Variants in STPG2 observed in about 807,000 individuals in gnomAD.
STPG2 encodes the protein sperm tail PG-rich repeat containing 2.
Under a neutral mutation model 54.2 loss-of-function variants are expected in STPG2, and 56 were observed. That is an observed-to-expected ratio of 1.03 (90% CI 0.83 to 1.29). STPG2 has a LOEUF of 1.29. Among genes scored for constraint, STPG2 ranks in the 50% most tolerant of loss-of-function variants. STPG2 has a pLI of 0.00. For synonymous variants in STPG2, 200 were observed against 181.8 expected, an observed-to-expected ratio of 1.10 and a Z score of -0.81; for missense variants, 596 against 544.9, an observed-to-expected ratio of 1.09 and a Z score of -0.93.
rs557288551 is a variant in STPG2 at position 97,728,959 on chromosome 4, AAGAG to A, written c.1205-16149_1205-16146del. Among the ~76,000 whole-genome samples, 680 of 151,884 alleles carry A rather than the reference AAGAG, an allele frequency of 4.5e-3. 4 individuals are homozygous for A. Among genetic ancestry groups the A allele is most frequent in the Non-Finnish European group, 7.1e-3 (484 of 67,846 alleles). ...AAAGAAAGATACAGAGAGACAAAGA[AAGAG>A]AGACAGAGAAAGAAGCAGAGTGGGA... On this transcript the variant is annotated intron_variant, in intron 9 of 10. Coordinates refer to ENST00000295268, the MANE Select transcript of STPG2 (RefSeq NM_174952.3).
At chr4:97,543,843 C>CT (rs1278198747) in intron 4 of STPG2, among the ~76,000 whole-genome samples, 8 of 152,150 alleles carry the variant, frequency 5.3e-5, no homozygotes, top group African/African-American at 1.9e-4. Context: ...ACCTGGGGAA[C>CT]TTATTAAACT....
At chr4:97,542,923 A>C (rs927423999) in intron 4 of STPG2, among the ~76,000 whole-genome samples, 2 of 152,088 alleles carry the variant, frequency 1.3e-5, no homozygotes, top group Non-Finnish European at 2.9e-5. Flanking sequence ...GAATTGAACA[A>C]TGAGAACACT....
chr4:98,081,452 A>G (rs1281757867), intron 5 of STPG2, among the ~76,000 whole-genome samples: 5 of 152,184 alleles, frequency 3.3e-5, no homozygotes, highest in Admixed American at 2.0e-4. Context: ...TGAAAAAATT[A>G]TCAATTTTTC....
chr4:97,757,953 A>G (rs535286924), intron 9 of STPG2, among the ~76,000 whole-genome samples: 3 of 152,338 alleles, frequency 2.0e-5, no homozygotes, highest in Admixed American at 6.5e-5. Flanking sequence ...AGTTGCTTGT[A>G]AATGTTGCTA....
chr4:97,506,812 T>TA (rs1410005610), intron 4 of STPG2, among the ~76,000 whole-genome samples: 3 of 150,102 alleles, frequency 2.0e-5, no homozygotes, highest in Admixed American at 1.3e-4. Flanking sequence ...GAGAATGAAT[T>TA]AAAAAAAACT....
intron 5 of STPG2, among the ~76,000 whole-genome samples, chr4:98,040,454 C>T (rs1736914656): frequency 6.6e-6 from 1 of 151,818 alleles, no homozygotes; most frequent in South Asian, 2.1e-4. Context: ...AGCTTCAGGT[C>T]TTACATTTAA....
chr4:97,462,572 T>A (rs953827168), intron 4 of STPG2, among the ~76,000 whole-genome samples: 2 of 152,048 alleles, frequency 1.3e-5, no homozygotes, highest in Non-Finnish European at 2.9e-5. Context: ...TAATTCCTAG[T>A]TTTTGTCAAT....
intron 9 of STPG2, among the ~76,000 whole-genome samples, chr4:97,737,254 A>T (rs1364777606): frequency 6.6e-6 from 1 of 152,160 alleles, no homozygotes; most frequent in Non-Finnish European, 1.5e-5. Context: ...AACCACAAAG[A>T]TGTGGAAAAA....
chr4:98,068,979 T>C (rs1433564351), intron 5 of STPG2, among the ~76,000 whole-genome samples: 1 of 152,114 alleles, frequency 6.6e-6, no homozygotes, highest in African/African-American at 2.4e-5. Context: ...CAGTCCATTG[T>C]TGACCAAAAT....
At chr4:97,857,810 T>C (rs1729382131) in intron 8 of STPG2, among the ~76,000 whole-genome samples, 1 of 151,954 alleles carries the variant, frequency 6.6e-6, no homozygotes, top group South Asian at 2.1e-4. Context: ...GGAAAGGAAA[T>C]CAGAATTCTA....
At chr4:97,795,661 T>A (rs537218290) in intron 9 of STPG2, among the ~76,000 whole-genome samples, 15 of 152,312 alleles carry the variant, frequency 9.8e-5, no homozygotes, top group African/African-American at 3.6e-4. Context: ...AATAAACATA[T>A]GTGTGCATGT....
chr4:97,578,980 G>A (rs754758321), intron 10 of STPG2, among the ~76,000 whole-genome samples: 67 of 151,958 alleles, frequency 4.4e-4, no homozygotes, highest in Non-Finnish European at 8.1e-4. Context: ...AGCATCAAAC[G>A]AACAATATCA....
chr4:97,748,326 T>A (rs1725482265), intron 9 of STPG2, among the ~76,000 whole-genome samples: 3 of 151,532 alleles, frequency 2.0e-5, no homozygotes, highest in Non-Finnish European at 4.4e-5. Flanking sequence ...AACAATTTAG[T>A]GAAAAGGAAA....
intron 8 of STPG2, among the ~76,000 whole-genome samples, chr4:97,903,939 A>G (rs1040583982): frequency 7.7e-4 from 117 of 152,234 alleles, no homozygotes; most frequent in Non-Finnish European, 5.0e-4. Flanking sequence ...CACCTGGCTC[A>G]GAGAGTCCTA....
At chr4:97,982,525 G>A (rs1734715259) in intron 5 of STPG2, among the ~76,000 whole-genome samples, 3 of 152,030 alleles carry the variant, frequency 2.0e-5, no homozygotes, top group Non-Finnish European at 4.4e-5. Flanking sequence ...ATCAACTTCA[G>A]TAAATGTATC....
At chr4:97,973,259 G>C in intron 6 of STPG2, among the ~76,000 whole-genome samples, 1 of 152,150 alleles carries the variant, frequency 6.6e-6, no homozygotes, top group Non-Finnish European at 1.5e-5. Flanking sequence ...GGTGACTTTT[G>C]TTATGTTTTG....
At chr4:97,862,059 T>C (rs1729568857) in intron 8 of STPG2, among the ~76,000 whole-genome samples, 1 of 151,998 alleles carries the variant, frequency 6.6e-6, no homozygotes, top group Non-Finnish European at 1.5e-5. Context: ...CAGAATCAAA[T>C]TCACACATAA....
intron 5 of STPG2, among the ~76,000 whole-genome samples, chr4:98,091,853 G>A (rs1038463981): frequency 1.3e-5 from 2 of 152,060 alleles, no homozygotes; most frequent in African/African-American, 4.8e-5. Flanking sequence ...GACTTAAAAG[G>A]AAGAATATTG....
chr4:97,672,376 C>A (rs1181216928), intron 10 of STPG2, among the ~76,000 whole-genome samples: 1 of 151,764 alleles, frequency 6.6e-6, no homozygotes, highest in Non-Finnish European at 1.5e-5. Context: ...CAGGGTTTCT[C>A]CAAGTTAGTC....
Sources: allele counts gnomAD v4.1 joint callset (sites outside exome capture counted in the v4.1 genomes callset), GRCh38; gene constraint gnomAD v4.1.1; transcripts MANE v1.5; gene names NCBI Gene and HGNC (gene_info 2026-07-23, HGNC 2026-07-21).